Variants in PCDHGA2 observed in about 807,000 individuals in gnomAD.
The protein encoded by PCDHGA2 is protocadherin gamma-A2.
Under a neutral mutation model 59.2 loss-of-function variants are expected in PCDHGA2, and 40 were observed. The observed-to-expected ratio is 0.68, with a 90% CI of 0.52 to 0.88. PCDHGA2 has a LOEUF of 0.88. Among genes scored for constraint, PCDHGA2 ranks in the 40% least tolerant of loss-of-function variants. PCDHGA2 has a pLI of 0.00. For synonymous variants in PCDHGA2, 560 were observed against 526.0 expected (o/e 1.06, Z -0.89); for missense variants, 1,226 against 1,204.0 (o/e 1.02, Z -0.27).
In PCDHGA2 at chr5:141,404,546, G is replaced by A. The variant is rs753308273; in HGVS notation, c.2424+63151G>A. 11 of 1,613,800 alleles carry A rather than the reference G, an allele frequency of 6.8e-6. No individual in the cohort carries two copies. In the East Asian group the frequency reaches 2.2e-4, roughly 33 times the overall value. ...GCAGTTTAGAGATTTGCAAATGCAGGTGACGGCAAGTGACAGTGGAAGCCC... is the reference window on the plus strand; with the variant it reads ...GCAGTTTAGAGATTTGCAAATGCAGATGACGGCAAGTGACAGTGGAAGCCC... On this transcript the variant is annotated intron_variant, in intron 1 of 3. Transcript: ENST00000394576.
At chr5:141,393,289 AC>A in intron 1 of PCDHGA2, 2 of 1,613,936 alleles carry the variant, frequency 1.2e-6, no homozygotes, top group Non-Finnish European at 1.7e-6. Flanking sequence ...GAAGCTGTTG[AC>A]CCGGATGTGG....
chr5:141,366,539 G>A, intron 1 of PCDHGA2: 1 of 1,614,248 alleles, frequency 6.2e-7, no homozygotes, highest in Non-Finnish European at 8.5e-7. Flanking sequence ...GGGTGTGCCC[G>A]CCTCGCACTT....
chr5:141,433,374 T>A (rs948922353), intron 1 of PCDHGA2, among the ~76,000 whole-genome samples: 36 of 150,958 alleles, frequency 2.4e-4, no homozygotes, highest in African/African-American at 8.6e-4. Flanking sequence ...TATCTATCTA[T>A]CTATCTATCT....
chr5:141,423,983 C>T, intron 1 of PCDHGA2: 5 of 1,107,052 alleles, frequency 4.5e-6, no homozygotes, highest in Non-Finnish European at 5.6e-6. Context: ...GTATGAGGCT[C>T]TCAATTTATT....
chr5:141,413,665 C>T (rs770111467), intron 1 of PCDHGA2: 1 of 1,613,726 alleles, frequency 6.2e-7, no homozygotes, highest in East Asian at 2.2e-5. Flanking sequence ...AGCTATTGAT[C>T]CGGATGTGGG....
intron 1 of PCDHGA2, among the ~76,000 whole-genome samples, chr5:141,463,966 A>C (rs923614502): frequency 4.6e-5 from 7 of 152,196 alleles, no homozygotes; most frequent in African/African-American, 1.7e-4. Context: ...AAATAGCTTC[A>C]TAAAACTCCA....
intron 1 of PCDHGA2, chr5:141,350,119 G>T (rs1758412512): frequency 1.7e-6 from 1 of 594,890 alleles, no homozygotes; most frequent in South Asian, 5.4e-5. Context: ...TTTGTCCGGT[G>T]CACTGAGCAC....
intron 1 of PCDHGA2, among the ~76,000 whole-genome samples, chr5:141,457,215 T>C (rs1356941645): frequency 1.3e-5 from 2 of 152,186 alleles, no homozygotes; most frequent in South Asian, 2.1e-4. Flanking sequence ...AAATGTGGTG[T>C]GGTAGGTAAT....
At chr5:141,392,322 A>G (rs2092513343) in intron 1 of PCDHGA2, 1 of 152,296 alleles carries the variant, frequency 6.6e-6, no homozygotes, top group South Asian at 2.1e-4. Flanking sequence ...TTAAGACCAA[A>G]TGTATTGCAG....
chr5:141,398,383 G>C, intron 1 of PCDHGA2: 4 of 1,451,918 alleles, frequency 2.8e-6, no homozygotes, highest in Non-Finnish European at 2.9e-6. Context: ...GGAGTTGCTT[G>C]TGAGCAGCAG....
At chr5:141,428,175 G>A (rs766332920) in intron 1 of PCDHGA2, 20 of 1,508,456 alleles carry the variant, frequency 1.3e-5, no homozygotes, top group Non-Finnish European at 1.8e-5. Flanking sequence ...GTGCGTGACG[G>A]AGGACAGCCG....
At chr5:141,385,442 G>A (rs949035085) in intron 1 of PCDHGA2, 28 of 1,449,952 alleles carry the variant, frequency 1.9e-5, no homozygotes, top group South Asian at 1.5e-5. Flanking sequence ...AGGTAAAAAT[G>A]AGTTTACCAG....
intron 1 of PCDHGA2, chr5:141,390,549 T>A (rs1258668887): frequency 2.1e-6 from 1 of 482,262 alleles, no homozygotes; most frequent in Non-Finnish European, 3.7e-6. Context: ...AAAGTGAAAG[T>A]GTTAGACAGT....
At chr5:141,344,772 T>A in intron 1 of PCDHGA2, 1 of 1,614,014 alleles carries the variant, frequency 6.2e-7, no homozygotes, top group Non-Finnish European at 8.5e-7. Context: ...TCAGCCTGAG[T>A]ACCGTGTGAG....
intron 1 of PCDHGA2, chr5:141,351,415 A>T: frequency 6.2e-7 from 1 of 1,611,534 alleles, no homozygotes; most frequent in Non-Finnish European, 8.5e-7. Flanking sequence ...CTCAGGAAGA[A>T]GTTCCTTTCA....
intron 1 of PCDHGA2, among the ~76,000 whole-genome samples, chr5:141,343,678 A>G (rs1242104370): frequency 6.6e-6 from 1 of 152,236 alleles, no homozygotes; most frequent in Non-Finnish European, 1.5e-5. Flanking sequence ...ATGTTCAATC[A>G]ACACTAGTCC....
chr5:141,436,962 C>A (rs1462988296), intron 1 of PCDHGA2, among the ~76,000 whole-genome samples: 1 of 152,144 alleles, frequency 6.6e-6, no homozygotes, highest in Non-Finnish European at 1.5e-5. Context: ...AAACAAGGAT[C>A]TTGTGAAACT....
In PCDHGA2 at chr5:141,371,090, C is replaced by G. The variant is rs764906419; in HGVS notation, c.2424+29695C>G. The G allele has an allele frequency of 5.0e-6, 8 of 1,613,702 alleles. No homozygotes were observed. The East Asian group carries it at 1.8e-4, about 36-fold the overall frequency. On this transcript the variant is annotated intron_variant, in intron 1 of 3. Transcript: ENST00000394576. ...GTACCACCCAGATCAGGGTAATTGT[C>G]GCAGATGCAAATGATAACCCCCCAG...
At position 141,383,086 on chromosome 5, in the gene PCDHGA2, G is replaced by A. The variant is rs373805952; in HGVS notation, c.2424+41691G>A. 3.1e-6 allele frequency: 5 copies of A among 1,613,788 alleles called. No individual in the cohort carries two copies. The African/African-American group carries it at 6.7e-5, about 22-fold the overall frequency. On this transcript the variant is annotated intron_variant, in intron 1 of 3. Transcript: ENST00000394576. ...GGAGCCCCGGGAGCTGGCGGAGCGC[G>A]GAGTCCGCATCATCTCCAGAGGTAG...
Sources: gnomAD v4.1 joint callset for allele counts (sites outside exome capture counted in the v4.1 genomes callset) on GRCh38, gnomAD v4.1.1 for gene constraint, MANE v1.5 for transcripts, NCBI Gene and HGNC (gene_info 2026-07-23, HGNC 2026-07-21) for gene names.